Variants in FBL observed in about 807,000 individuals in gnomAD.
FBL encodes the protein fibrillarin rRNA 2'-O-methyltransferase.
In FBL, 10 loss-of-function variants were observed where a neutral mutation model predicts 42.2. The observed-to-expected ratio is 0.24, with a 90% CI of 0.15 to 0.40. The LOEUF (loss-of-function observed/expected upper bound fraction) is 0.40, where lower values mean the gene tolerates loss of function less well. FBL is among the 10% of genes least tolerant of loss of function. The pLI is 1.00. For missense variants in FBL, 351 were observed against 439.2 expected, an observed-to-expected ratio of 0.80 and a Z score of 1.79; for synonymous variants, 165 against 165.4, an observed-to-expected ratio of 1.00 and a Z score of 0.02.
chr19:39,839,261 G>A (rs1282175747), intron 4 of FBL, 56 bp from the exon 5 acceptor site: 7 of 1,443,562 alleles, frequency 4.8e-6, no homozygotes, highest in Non-Finnish European at 6.6e-6. Flanking sequence ...GGACCTCACT[G>A]CCTTTAACCC....
intron 1 of FBL, among the ~76,000 whole-genome samples, chr19:39,844,805 T>G (rs1292270104): frequency 6.6e-6 from 1 of 152,190 alleles, no homozygotes. Flanking sequence ...AATGTCAGAC[T>G]GCACCACGCC....
At chr19:39,846,240 G>T in intron 1 of FBL, 51 bp downstream of exon 1, 1 of 1,611,602 alleles carries the variant, frequency 6.2e-7, no homozygotes, top group Non-Finnish European at 8.5e-7. Context: ...CTGGCACCCG[G>T]ATTCCCGCCC....
chr19:39,844,520 C>CCACA (rs1969223250), intron 1 of FBL, among the ~76,000 whole-genome samples: 1 of 152,276 alleles, frequency 6.6e-6, no homozygotes, highest in African/African-American at 2.4e-5. Flanking sequence ...TGCTCTCCTT[C>CCACA]CACAGCCTTC....
At chr19:39,834,644 G>C in intron 8 of FBL, 24 bp downstream of exon 8, 1 of 1,614,088 alleles carries the variant, frequency 6.2e-7, no homozygotes, top group Non-Finnish European at 8.5e-7. Flanking sequence ...GTCTGTCTTG[G>C]TGTATTGCTG....
chr19:39,834,572 G>C lies in FBL; in HGVS notation c.942-10C>G. On this transcript the variant is annotated splice_polypyrimidine_tract_variant and intron_variant, in intron 8 of 8. Transcript: ENST00000221801. ...CACCTTGGGGGGTGGCCTGTGAGAG[G>C]AAGATAGGTGATGAAGGAGGGTCCC... 1.2e-6 allele frequency: 2 copies of C among 1,614,166 alleles called. No individual in the cohort carries two copies. Among genetic ancestry groups the C allele is most frequent in the Non-Finnish European group, 8.5e-7 (1 of 1,180,026 alleles).
At chr19:39,838,991 A>G in intron 5 of FBL, 44 bp downstream of exon 5, 1 of 1,554,356 alleles carries the variant, frequency 6.4e-7, no homozygotes, top group Non-Finnish European at 8.8e-7. Flanking sequence ...GGCAGAAGGG[A>G]GGCAGCCTTT....
intron 1 of FBL, among the ~76,000 whole-genome samples, chr19:39,845,107 G>A (rs548827912): frequency 6.6e-6 from 1 of 152,214 alleles, no homozygotes; most frequent in African/African-American, 2.4e-5. Context: ...CTCCTGCCAG[G>A]TGACCCCCAT....
intron 6 of FBL, 56 bp downstream of exon 6, chr19:39,837,655 C>T: frequency 6.9e-7 from 1 of 1,457,300 alleles, no homozygotes; most frequent in Non-Finnish European, 9.1e-7. Context: ...CTGGCTTCTT[C>T]CAGAAGCCTG....
intron 7 of FBL, among the ~76,000 whole-genome samples, chr19:39,835,179 T>C (rs1410528753): frequency 3.3e-5 from 5 of 152,234 alleles, no homozygotes. Context: ...TCTTGGACTT[T>C]CCAGCCTTTG....
At chr19:39,839,604 G>A (rs984703817) in intron 4 of FBL, among the ~76,000 whole-genome samples, 9 of 152,088 alleles carry the variant, frequency 5.9e-5, no homozygotes, top group African/African-American at 2.2e-4. Flanking sequence ...AGAAGACAAA[G>A]CCAGGAGAGA....
At chr19:39,844,585 G>T (rs1399630546) in intron 1 of FBL, among the ~76,000 whole-genome samples, 1 of 151,920 alleles carries the variant, frequency 6.6e-6, no homozygotes, top group Non-Finnish European at 1.5e-5. Context: ...CAAACCCTTG[G>T]TTATCCTTGA....
intron 7 of FBL, 104 bp from the exon 8 acceptor site, chr19:39,834,917 A>T: frequency 8.1e-7 from 1 of 1,237,138 alleles, no homozygotes; most frequent in South Asian, 1.4e-5. Context: ...AGTAAAACTC[A>T]GTGCTATGGT....
intron 1 of FBL, among the ~76,000 whole-genome samples, chr19:39,842,236 C>T (rs1038387348): frequency 2.6e-5 from 4 of 152,138 alleles, no homozygotes; most frequent in African/African-American, 9.7e-5. Context: ...CAGGCGCCCA[C>T]CACCATGCCC....
chr19:39,837,030 T>C (rs1033497890), intron 6 of FBL, among the ~76,000 whole-genome samples: 3 of 152,064 alleles, frequency 2.0e-5, no homozygotes, highest in Admixed American at 2.0e-4. Flanking sequence ...TGAGCACTTA[T>C]AGGCAAGAGT....
intron 1 of FBL, among the ~76,000 whole-genome samples, chr19:39,842,940 T>G (rs186984588): frequency 6.6e-6 from 1 of 152,260 alleles, no homozygotes; most frequent in East Asian, 1.9e-4. Context: ...TTCTAAATCT[T>G]TACCACGTGC....
intron 1 of FBL, among the ~76,000 whole-genome samples, chr19:39,842,770 C>G (rs1271030893): frequency 6.6e-6 from 1 of 152,116 alleles, no homozygotes; most frequent in African/African-American, 2.4e-5. Context: ...TTTCATTGTT[C>G]TGGGCGCAAG....
chr19:39,840,594 C>G lies in FBL; in HGVS notation c.181+23G>C, dbSNP rs764766818. On this transcript the variant is annotated intron_variant, in intron 2 of 8. Coordinates refer to ENST00000221801, the MANE Select transcript of FBL (RefSeq NM_001436.4). The surrounding 1 kb of genome is among the most constrained non-coding windows in gnomAD (Gnocchi z 4.5). The stretch of plus-strand genomic sequence containing the variant: ...ACTCCCCACCTCAGGAAGGCCTCCT[C>G]TGTAACCCCTAGCCAATCTTACCAC... 1 of 1,613,274 alleles carries G rather than the reference C, an allele frequency of 6.2e-7. No individual in the cohort carries two copies. Among genetic ancestry groups the G allele is most frequent in the Non-Finnish European group, 8.5e-7 (1 of 1,179,688 alleles).
rs773586573 is a variant in FBL at position 39,837,855 on chromosome 19, T to C, written c.550-12A>G. ...TAGACTAGACCATCCTAAAATAAAT[T>C]AAAAATTAATGAACAGTGATGCTAG... On this transcript the variant is annotated splice_polypyrimidine_tract_variant and intron_variant, in intron 5 of 8. Transcript: ENST00000221801. 3 of 1,612,240 alleles carry C rather than the reference T, an allele frequency of 1.9e-6. No homozygotes were observed. The East Asian group carries it at 6.7e-5, about 36-fold the overall frequency.
intron 7 of FBL, among the ~76,000 whole-genome samples, chr19:39,835,879 T>C (rs1471908279): frequency 6.6e-6 from 1 of 152,060 alleles, no homozygotes; most frequent in Non-Finnish European, 1.5e-5. Context: ...TGAGCTGAGA[T>C]TGCACCACTT....
Sources: allele counts gnomAD v4.1 joint callset (sites outside exome capture counted in the v4.1 genomes callset), GRCh38; gene constraint gnomAD v4.1.1; non-coding constraint Gnocchi (gnomAD v3.1); transcripts MANE v1.5; gene names NCBI Gene and HGNC (gene_info 2026-07-23, HGNC 2026-07-21).